NBAS: variants seen among roughly 807,000 people sequenced by gnomAD.
NBAS encodes NBAS subunit of NRZ tethering complex, also known as NAG/BC035112 fusion.
Under a neutral mutation model 302.5 loss-of-function variants are expected in NBAS, and 219 were observed. That is an observed-to-expected ratio of 0.72 (90% CI 0.65 to 0.81). The LOEUF is 0.81. Ranked by LOEUF, NBAS falls within the 30% of genes least tolerant of loss-of-function variation. The pLI is 0.00. For missense variants in NBAS, 2,932 were observed against 2,841.6 expected (o/e 1.03, Z -0.72); for synonymous variants, 1,118 against 1,021.6 (o/e 1.09, Z -1.80).
chr2:15,478,441 T>C, intron 12 of NBAS, 152 bp from the exon 13 acceptor site: 1 of 680,624 alleles, frequency 1.5e-6, no homozygotes, highest in Non-Finnish European at 2.6e-6. Flanking sequence ...GCCATGATAG[T>C]CTGGAAAAGC....
chr2:14,783,708 T>A, the NBAS span, among the ~76,000 whole-genome samples: 1 of 152,048 alleles, frequency 6.6e-6, no homozygotes, highest in East Asian at 1.9e-4. Context: ...ATTTTCTTAA[T>A]CCAGTCTATC....
the NBAS span, among the ~76,000 whole-genome samples, chr2:14,916,282 G>A: frequency 6.6e-6 from 1 of 152,066 alleles, no homozygotes; most frequent in African/African-American, 2.4e-5. Flanking sequence ...GCTTCAATTA[G>A]AAGATCCCTA....
chr2:15,135,722 C>G, the NBAS span, among the ~76,000 whole-genome samples: 1 of 151,924 alleles, frequency 6.6e-6, no homozygotes. Context: ...GTGTAACTCC[C>G]CCCTCCCACC....
chr2:15,317,284 G>T (rs538151452), intron 38 of NBAS, among the ~76,000 whole-genome samples: 1 of 152,280 alleles, frequency 6.6e-6, no homozygotes, highest in East Asian at 1.9e-4. Flanking sequence ...AAACCACAAA[G>T]ATGGGGAGAA....
intron 9 of NBAS, among the ~76,000 whole-genome samples, chr2:15,533,824 G>C (rs1368719408): frequency 6.6e-6 from 1 of 151,922 alleles, no homozygotes. Flanking sequence ...CAAGGAAAAA[G>C]ACTTAAGTAT....
intron 40 of NBAS, among the ~76,000 whole-genome samples, chr2:15,304,188 T>C (rs1368975511): frequency 6.6e-6 from 1 of 152,198 alleles, no homozygotes; most frequent in Non-Finnish European, 1.5e-5. Context: ...GTTTCCCCCA[T>C]GCCGTTCTGG....
chr2:15,025,275 A>C, the NBAS span, among the ~76,000 whole-genome samples: 2 of 152,120 alleles, frequency 1.3e-5, no homozygotes, highest in Admixed American at 1.3e-4. Context: ...AGATGGTTGT[A>C]GGTGTGTGGC....
the NBAS span, among the ~76,000 whole-genome samples, chr2:15,063,101 A>G: frequency 2.0e-5 from 3 of 152,092 alleles, no homozygotes; most frequent in Admixed American, 1.3e-4. Flanking sequence ...CTCTAAAATC[A>G]TCCTTCTCGT....
At chr2:15,531,887 T>A (rs1663233183) in intron 9 of NBAS, among the ~76,000 whole-genome samples, 1 of 152,106 alleles carries the variant, frequency 6.6e-6, no homozygotes. Context: ...TGCCCCCTAC[T>A]CTCCCACCCT....
the NBAS span, among the ~76,000 whole-genome samples, chr2:15,147,553 T>C: frequency 3.4e-4 from 52 of 151,970 alleles, 2 homozygotes; most frequent in African/African-American, 1.1e-3. Flanking sequence ...GATCGCACCA[T>C]TGCACTCCAG....
rs1296039740 is a variant in NBAS at position 15,417,652 on chromosome 2, C to T, written c.2638G>A (p.Val880Ile). 1 of 1,613,924 alleles carries T rather than the reference C, an allele frequency of 6.2e-7. No homozygotes were observed. Among genetic ancestry groups the T allele is most frequent in the South Asian group, 1.1e-5 (1 of 91,060 alleles). Residue 880 changes from valine to isoleucine, a missense_variant, in exon 24 of 52, where the codon GTT (valine) becomes ATT (isoleucine). Transcript: ENST00000281513. ...GMERNIPGLL[V>I]LCDNLVTLET... ...AGAGTAACCAAATTGTCACAGAGAA[C>T]CAGCAAACCAGGAATATTCCGCTCC...
chr2:14,959,052 A>C, the NBAS span, among the ~76,000 whole-genome samples: 1 of 151,402 alleles, frequency 6.6e-6, no homozygotes, highest in African/African-American at 2.4e-5. Flanking sequence ...GTTGAGAAGA[A>C]CTCTCCATGG....
At chr2:15,348,091 T>C (rs935893225) in intron 35 of NBAS, among the ~76,000 whole-genome samples, 52 of 152,378 alleles carry the variant, frequency 3.4e-4, no homozygotes, top group African/African-American at 1.1e-3. Context: ...CTACTGTTAA[T>C]GTGTAACACA....
intron 21 of NBAS, among the ~76,000 whole-genome samples, chr2:15,446,911 T>C (rs932178137): frequency 6.9e-6 from 1 of 145,444 alleles, no homozygotes; most frequent in Non-Finnish European, 1.5e-5. Context: ...CAAGAAAGTA[T>C]AACTAACAAT....
At chr2:15,496,278 G>A (rs1473001542) in intron 11 of NBAS, among the ~76,000 whole-genome samples, 3 of 152,058 alleles carry the variant, frequency 2.0e-5, no homozygotes, top group Admixed American at 6.6e-5. Flanking sequence ...TCCAGAATAG[G>A]CAAATTTATA....
intron 12 of NBAS, among the ~76,000 whole-genome samples, chr2:15,479,661 G>A (rs1228736192): frequency 2.0e-5 from 3 of 152,224 alleles, no homozygotes; most frequent in Admixed American, 1.3e-4. Context: ...AATTCAAAGT[G>A]TGCATGTCTT....
At chr2:14,793,569 G>T in the NBAS span, among the ~76,000 whole-genome samples, 1 of 151,956 alleles carries the variant, frequency 6.6e-6, no homozygotes, top group African/African-American at 2.4e-5. Context: ...GTATATGTGG[G>T]GCAATTATGA....
intron 21 of NBAS, among the ~76,000 whole-genome samples, chr2:15,453,769 G>T (rs60394106): frequency 0.013 from 1,910 of 151,962 alleles, 36 homozygotes; most frequent in African/African-American, 0.043. Flanking sequence ...TATAGTAACA[G>T]CTTTTCTTTT....
At chr2:15,163,921 C>T (rs897580476), downstream of NBAS, among the ~76,000 whole-genome samples, 6 of 152,158 alleles carry the variant, frequency 3.9e-5, no homozygotes, top group African/African-American at 1.2e-4. Flanking sequence ...CTCAGCCTCC[C>T]GAGTAGCTGG....
Sources: allele counts gnomAD v4.1 joint callset (sites outside exome capture counted in the v4.1 genomes callset), GRCh38; gene constraint gnomAD v4.1.1; transcripts MANE v1.5; gene names NCBI Gene and HGNC (gene_info 2026-07-23, HGNC 2026-07-21).